LRRC4C: variants seen among roughly 807,000 people sequenced by gnomAD.
LRRC4C encodes leucine-rich repeat-containing protein 4C.
A neutral mutation model predicts 33.6 loss-of-function variants in LRRC4C; 5 were observed. The observed-to-expected ratio is 0.15, with a 90% confidence interval of 0.08 to 0.31. The LOEUF is 0.31. LRRC4C is among the 10% of genes least tolerant of loss of function. The pLI, the probability that LRRC4C is intolerant of heterozygous loss-of-function variation, is 1.00. For missense variants in LRRC4C, 560 were observed against 796.7 expected (o/e 0.70, Z 3.58); for synonymous variants, 329 against 302.0 (o/e 1.09, Z -0.93).
chr11:40,989,501 C>T (rs911616563), intron 1 of LRRC4C, among the ~76,000 whole-genome samples: 5 of 152,064 alleles, frequency 3.3e-5, no homozygotes, highest in South Asian at 2.1e-4. Flanking sequence ...CCCTCACTGA[C>T]GTCTGTGTTC....
intron 1 of LRRC4C, among the ~76,000 whole-genome samples, chr11:41,124,060 G>A (rs1565405019): frequency 6.6e-6 from 1 of 152,066 alleles, no homozygotes; most frequent in Non-Finnish European, 1.5e-5. Flanking sequence ...CAACCTGCTG[G>A]TTTCTTTTGG....
chr11:41,226,091 G>T (rs1008240350), intron 1 of LRRC4C, among the ~76,000 whole-genome samples: 16 of 152,116 alleles, frequency 1.1e-4, no homozygotes, highest in Admixed American at 9.8e-4. Context: ...GCTTGTACGA[G>T]TCTATTTTTG....
At chr11:41,121,371 C>G (rs1018742120) in intron 1 of LRRC4C, among the ~76,000 whole-genome samples, 5 of 152,146 alleles carry the variant, frequency 3.3e-5, no homozygotes, top group Non-Finnish European at 7.3e-5. Context: ...ACATACTTGA[C>G]ATTATATTCC....
chr11:40,759,267 A>T (rs1949085514), intron 2 of LRRC4C, among the ~76,000 whole-genome samples: 1 of 147,810 alleles, frequency 6.8e-6, no homozygotes, highest in African/African-American at 2.5e-5. Flanking sequence ...CCATATATAT[A>T]TTATATATAT....
At chr11:41,308,555 C>T (rs1201896561) in intron 1 of LRRC4C, among the ~76,000 whole-genome samples, 1 of 151,990 alleles carries the variant, frequency 6.6e-6, no homozygotes, top group Non-Finnish European at 1.5e-5. Context: ...TAAAGAAAGC[C>T]AAATCAGGCA....
intron 3 of LRRC4C, among the ~76,000 whole-genome samples, chr11:40,588,935 GA>G (rs1047388036): frequency 1.3e-5 from 2 of 152,066 alleles, no homozygotes; most frequent in Admixed American, 6.5e-5. Flanking sequence ...GTGTGGTGCT[GA>G]AAAAAATGTA....
At chr11:41,391,175 G>T (rs755360429) in intron 1 of LRRC4C, among the ~76,000 whole-genome samples, 9 of 151,718 alleles carry the variant, frequency 5.9e-5, no homozygotes, top group Non-Finnish European at 1.3e-4. Flanking sequence ...TTGGTTTAAG[G>T]TAACATTTCT....
intron 5 of LRRC4C, among the ~76,000 whole-genome samples, chr11:40,181,649 G>A (rs576994052): frequency 2.6e-5 from 4 of 152,296 alleles, no homozygotes; most frequent in East Asian, 1.9e-4. Flanking sequence ...GTTCAGCTTC[G>A]TTTGACAGCA....
intron 2 of LRRC4C, among the ~76,000 whole-genome samples, chr11:40,676,836 TGCCTGTTAATCCTAAAA>T (rs1320858433): frequency 6.6e-6 from 1 of 152,154 alleles, no homozygotes; most frequent in Non-Finnish European, 1.5e-5. Flanking sequence ...ACCAATCCTG[TGCCTGTTAATCCTAAAA>T]ACATTCCCCA....
intron 2 of LRRC4C, among the ~76,000 whole-genome samples, chr11:40,678,661 G>A (rs1181038211): frequency 1.3e-5 from 2 of 151,986 alleles, no homozygotes; most frequent in East Asian, 1.9e-4. Context: ...TTTATAAAGG[G>A]TAATTCCCCT....
intron 1 of LRRC4C, among the ~76,000 whole-genome samples, chr11:41,310,781 T>C (rs914462291): frequency 1.6e-4 from 25 of 152,228 alleles, no homozygotes; most frequent in African/African-American, 6.0e-4. Flanking sequence ...TATGCCTTTT[T>C]GTATTTACAT....
intron 5 of LRRC4C, among the ~76,000 whole-genome samples, chr11:40,170,595 C>T (rs1284503360): frequency 6.6e-6 from 1 of 152,130 alleles, no homozygotes; most frequent in Non-Finnish European, 1.5e-5. Context: ...TCACAAATAT[C>T]TCTAGGGTAC....
At chr11:40,543,682 C>G (rs774418515) in intron 3 of LRRC4C, among the ~76,000 whole-genome samples, 1 of 151,906 alleles carries the variant, frequency 6.6e-6, no homozygotes, top group East Asian at 1.9e-4. Context: ...TCATATTAGG[C>G]CAAAGTGATT....
At chr11:40,313,014 C>T (rs534479074) in intron 4 of LRRC4C, among the ~76,000 whole-genome samples, 114 of 152,172 alleles carry the variant, frequency 7.5e-4, no homozygotes, top group East Asian at 1.4e-3. Flanking sequence ...ATGTCTATCA[C>T]GCCAGAAGTG....
intron 2 of LRRC4C, among the ~76,000 whole-genome samples, chr11:40,837,502 C>G (rs549174778): frequency 6.6e-6 from 1 of 151,306 alleles, no homozygotes; most frequent in African/African-American, 2.4e-5. Flanking sequence ...CCAAATAAAC[C>G]GGCATATTGT....
intron 3 of LRRC4C, among the ~76,000 whole-genome samples, chr11:40,564,819 T>C (rs1957689588): frequency 1.3e-5 from 2 of 152,170 alleles, no homozygotes; most frequent in African/African-American, 4.8e-5. Flanking sequence ...CAAGTTGCCA[T>C]TTTGGCAGGG....
At chr11:41,221,207 AAAC>A (rs1947290354) in intron 1 of LRRC4C, among the ~76,000 whole-genome samples, 1 of 152,138 alleles carries the variant, frequency 6.6e-6, no homozygotes, top group Non-Finnish European at 1.5e-5. Context: ...AATTTACAAA[AAAC>A]AACCTCATAA....
intron 3 of LRRC4C, among the ~76,000 whole-genome samples, chr11:40,547,689 C>T (rs776604639): frequency 3.5e-4 from 53 of 152,010 alleles, no homozygotes; most frequent in Non-Finnish European, 6.8e-4. Flanking sequence ...CTTAAACACC[C>T]TATAGGACAT....
In LRRC4C at chr11:41,370,844, G is replaced by A. The variant is rs778644843; in HGVS notation, c.-496+88587C>T. 4.6e-5 allele frequency among the ~76,000 whole-genome samples: 7 copies of A among 151,994 alleles called. No individual in the cohort carries two copies. The East Asian group carries it at 5.8e-4, about 13-fold the overall frequency. On this transcript the variant is annotated intron_variant, in intron 1 of 6. Coordinates refer to ENST00000528697, the MANE Select transcript of LRRC4C (RefSeq NM_001258419.2). ...GCATGAGCTACCACGCTTGGCCCAC[G>A]TTATTTAAATGAAAACAAACACAAA...
Sources: allele counts gnomAD v4.1 joint callset (sites outside exome capture counted in the v4.1 genomes callset), GRCh38; gene constraint gnomAD v4.1.1; transcripts MANE v1.5; gene names NCBI Gene and HGNC (gene_info 2026-07-23, HGNC 2026-07-21).